FGF13: variants seen among roughly 807,000 people sequenced by gnomAD.
FGF13 encodes fibroblast growth factor 13, also known as fibroblast growth factor homologous factor 2.
A neutral mutation model predicts 19.5 loss-of-function variants in FGF13; 2 were observed. The ratio of observed to expected loss-of-function variants is 0.10; its 90% CI spans 0.04 to 0.32. The LOEUF (loss-of-function observed/expected upper bound fraction) is 0.32, where lower values mean the gene tolerates loss of function less well. Among genes scored for constraint, FGF13 ranks in the 10% least tolerant of loss-of-function variants. FGF13 has a pLI of 1.00. For missense variants in FGF13, 113 were observed against 192.7 expected (o/e 0.59, Z 2.45); for synonymous variants, 72 against 76.9 (o/e 0.94, Z 0.33).
At chrX:138,932,980 T>A in intron 1 of FGF13, among the ~76,000 whole-genome samples, 2 of 111,565 alleles carry the variant, frequency 1.8e-5, no homozygotes, top group Middle Eastern at 4.6e-3. Flanking sequence ...TGCCACTTAA[T>A]ATGTGAGACC....
intron 1 of FGF13, among the ~76,000 whole-genome samples, chrX:139,069,602 T>A (rs2092369913): frequency 9.2e-6 from 1 of 109,005 alleles, no homozygotes; most frequent in African/African-American, 3.3e-5. Flanking sequence ...ACCCTAAAAC[T>A]TAAAGTATAA....
intron 1 of FGF13, among the ~76,000 whole-genome samples, chrX:139,077,578 G>A (rs10521794): frequency 0.035 from 3,856 of 111,072 alleles, 160 homozygotes; most frequent in African/African-American, 0.12. Flanking sequence ...ATACTTTTAT[G>A]AGGTGGCACC....
chrX:139,054,616 T>C (rs75412153), intron 1 of FGF13, among the ~76,000 whole-genome samples: 1 of 111,807 alleles, frequency 8.9e-6, no homozygotes, highest in African/African-American at 3.3e-5. Flanking sequence ...TGAAGAATGA[T>C]GGTGGTATTT....
rs1392732171 is a variant in FGF13, at chrX:138,626,883, T to A, written c.*5967A>T. ...GTTCAAGCTGTTTTATTCAGCTGTTTTACATTAAGAAGAAAACTATAGTAT... is the reference window on the plus strand; with the variant it reads ...GTTCAAGCTGTTTTATTCAGCTGTTATACATTAAGAAGAAAACTATAGTAT... On this transcript the variant is annotated 3_prime_UTR_variant, in exon 5 of 5. Transcript: ENST00000315930. 1 of 112,211 alleles carries A rather than the reference T, an allele frequency of 8.9e-6. No homozygotes were observed. Among genetic ancestry groups the A allele is most frequent in the Non-Finnish European group, 1.9e-5 (1 of 53,269 alleles). The allele number at this position is 112,211 out of a possible 1,213,427, so 9.2% of individuals were successfully genotyped here.
intron 3 of FGF13, among the ~76,000 whole-genome samples, chrX:138,745,199 T>C (rs1419779354): frequency 8.9e-6 from 1 of 112,056 alleles, no homozygotes; most frequent in Non-Finnish European, 1.9e-5. Flanking sequence ...AAATCATACA[T>C]CTTTAAACTT....
intron 1 of FGF13, among the ~76,000 whole-genome samples, chrX:138,723,122 T>G (rs1444365309): frequency 9.0e-6 from 1 of 111,635 alleles, no homozygotes; most frequent in Non-Finnish European, 1.9e-5. Context: ...CACACAGATA[T>G]GCAAATAATC....
At chrX:139,150,860 C>T (rs1380212590) in intron 1 of FGF13, among the ~76,000 whole-genome samples, 2 of 111,589 alleles carry the variant, frequency 1.8e-5, no homozygotes, top group Admixed American at 1.9e-4. Flanking sequence ...ACTGTAGTAA[C>T]CTCATGCTAG....
At chrX:139,145,521 C>T (rs955531521) in intron 1 of FGF13, among the ~76,000 whole-genome samples, 4 of 110,342 alleles carry the variant, frequency 3.6e-5, no homozygotes, top group African/African-American at 1.3e-4. Flanking sequence ...GTCAACCTCC[C>T]TTTCTTCCCC....
Position 139,169,878 on chromosome X carries a change from G to A in FGF13, c.-113+33538C>T, listed in dbSNP as rs768809479. On this transcript the variant is annotated intron_variant, in intron 1 of 2. Transcript: ENST00000421460. ...AGTTTCCCTCTCCCAGCAGCATGGA[G>A]GGCAAAGGCCTGGGTTTTTGGTGGA... 6.3e-5 allele frequency among the ~76,000 whole-genome samples: 7 copies of A among 111,631 alleles called. No individual in the cohort carries two copies. In the East Asian group the frequency reaches 8.6e-4, roughly 14 times the overall value.
At chrX:139,015,713 A>G (rs900057935) in intron 1 of FGF13, among the ~76,000 whole-genome samples, 2 of 111,661 alleles carry the variant, frequency 1.8e-5, no homozygotes, top group African/African-American at 6.5e-5. Flanking sequence ...AAAAATCCTA[A>G]AATCTATATG....
At chrX:138,968,918 G>T (rs913827679) in intron 1 of FGF13, among the ~76,000 whole-genome samples, 10 of 112,309 alleles carry the variant, frequency 8.9e-5, no homozygotes, top group Non-Finnish European at 1.9e-4. Context: ...CCTTTTGTCT[G>T]TATTGCTCAC....
At chrX:139,032,842 A>G (rs1168713105) in intron 1 of FGF13, among the ~76,000 whole-genome samples, 5 of 109,633 alleles carry the variant, frequency 4.6e-5, no homozygotes, top group Non-Finnish European at 9.5e-5. Context: ...TTCCTGATGC[A>G]AGTTAATAAC....
At chrX:138,934,514 T>A (rs1319447267) in intron 1 of FGF13, among the ~76,000 whole-genome samples, 1 of 112,680 alleles carries the variant, frequency 8.9e-6, no homozygotes, top group African/African-American at 3.2e-5. Context: ...TGGCATCTTG[T>A]CTAACATGTC....
chrX:139,061,860 A>G (rs1295654775), intron 1 of FGF13, among the ~76,000 whole-genome samples: 1 of 111,144 alleles, frequency 9.0e-6, no homozygotes, highest in Non-Finnish European at 1.9e-5. Context: ...GGCCGTTTGT[A>G]TGTCTTCACT....
At chrX:138,924,661 A>T (rs1603035996) in intron 1 of FGF13, among the ~76,000 whole-genome samples, 1 of 110,788 alleles carries the variant, frequency 9.0e-6, no homozygotes, top group East Asian at 2.8e-4. Flanking sequence ...CCCTGTGTCA[A>T]GGGGTTGGGG....
chrX:139,069,855 A>T (rs899863411), intron 1 of FGF13, among the ~76,000 whole-genome samples: 5 of 112,286 alleles, frequency 4.5e-5, no homozygotes, highest in African/African-American at 9.7e-5. Context: ...ATCTTTGACA[A>T]ACCTGACAAC....
chrX:138,751,282 G>A (rs1388277032), intron 3 of FGF13, among the ~76,000 whole-genome samples: 1 of 111,419 alleles, frequency 9.0e-6, no homozygotes, highest in Non-Finnish European at 1.9e-5. Flanking sequence ...CAGACTAGCA[G>A]AATCTGGGCT....
intron 3 of FGF13, among the ~76,000 whole-genome samples, chrX:138,763,333 G>A (rs1475384285): frequency 9.1e-6 from 1 of 110,409 alleles, no homozygotes; most frequent in Admixed American, 9.7e-5. Context: ...CCCTATTTGG[G>A]TGGATACTTA....
chrX:139,054,688 G>C (rs1245517302), intron 1 of FGF13, among the ~76,000 whole-genome samples: 3 of 111,894 alleles, frequency 2.7e-5, no homozygotes, highest in Non-Finnish European at 5.6e-5. Flanking sequence ...AAACAATATT[G>C]ATTCTACCCA....
Sources: gnomAD v4.1 joint callset for allele counts (sites outside exome capture counted in the v4.1 genomes callset) on GRCh38, gnomAD v4.1.1 for gene constraint, MANE v1.5 for transcripts, NCBI Gene and HGNC (gene_info 2026-07-23, HGNC 2026-07-21) for gene names.